PRKAR2A: variants seen among roughly 807,000 people sequenced by gnomAD.
The protein encoded by PRKAR2A is protein kinase cAMP-dependent type II regulatory subunit alpha.
PRKAR2A carries 29 observed loss-of-function variants against 51.9 expected under a neutral mutation model. That is an observed-to-expected ratio of 0.56 (90% CI 0.42 to 0.76). The LOEUF is 0.76. Among genes scored for constraint, PRKAR2A ranks in the 30% least tolerant of loss-of-function variants. The pLI is 0.00. For missense variants in PRKAR2A, 445 were observed against 512.1 expected (o/e 0.87, Z 1.26); for synonymous variants, 178 against 186.2 (o/e 0.96, Z 0.36).
chr3:48,845,592 G>A (rs767669959), intron 1 of PRKAR2A, among the ~76,000 whole-genome samples: 6 of 152,194 alleles, frequency 3.9e-5, no homozygotes, highest in Non-Finnish European at 7.3e-5. Context: ...CAAAGCATAT[G>A]TTGAAGCAAC....
chr3:48,833,448 C>T (rs1362454489), intron 1 of PRKAR2A, among the ~76,000 whole-genome samples: 1 of 152,174 alleles, frequency 6.6e-6, no homozygotes, highest in Non-Finnish European at 1.5e-5. Context: ...AGGCTCACCC[C>T]TGTAATCCCA....
rs377471790 is a variant in PRKAR2A, at chr3:48,776,105, A to AAAAC, written c.543-3001_543-2998dup. ...CTGGGCAACAGAGAGGCTCAGTCTC[A>AAAAC]AAACAAACAAACAAACAAACAAACA... is the stretch of plus-strand genomic sequence containing the variant. On this transcript the variant is annotated intron_variant, in intron 5 of 10. Transcript: ENST00000265563. Among the ~76,000 whole-genome samples the AAAAC allele has an allele frequency of 2.0e-3, 298 of 152,114 alleles. 1 individual carries two copies. Among genetic ancestry groups the AAAAC allele is most frequent in the East Asian group, 4.6e-3 (24 of 5,178 alleles).
chr3:48,773,295 T>C (rs2082055474), intron 5 of PRKAR2A, among the ~76,000 whole-genome samples, 187 bp from the exon 6 acceptor site: 1 of 152,042 alleles, frequency 6.6e-6, no homozygotes, highest in Non-Finnish European at 1.5e-5. Context: ...AACTCACTTA[T>C]TAATTCTAGT....
chr3:48,828,350 C>T (rs954235899), intron 1 of PRKAR2A, among the ~76,000 whole-genome samples: 2 of 152,060 alleles, frequency 1.3e-5, no homozygotes, highest in African/African-American at 4.8e-5. Context: ...AGACACTCAG[C>T]TCTTCTTTTG....
intron 5 of PRKAR2A, among the ~76,000 whole-genome samples, chr3:48,773,839 T>C (rs2082066902): frequency 6.6e-6 from 1 of 151,862 alleles, no homozygotes; most frequent in Non-Finnish European, 1.5e-5. Context: ...TGAGACAGGG[T>C]CTTGCTCTGT....
At chr3:48,764,751 A>G (rs1456262146) in intron 8 of PRKAR2A, among the ~76,000 whole-genome samples, 3 of 152,116 alleles carry the variant, frequency 2.0e-5, no homozygotes, top group African/African-American at 4.8e-5. Context: ...CAGCCTCCCA[A>G]GTAGCTGGGA....
chr3:48,794,221 G>A (rs912746727), intron 2 of PRKAR2A, among the ~76,000 whole-genome samples, 172 bp from the exon 3 acceptor site: 3 of 149,598 alleles, frequency 2.0e-5, no homozygotes, highest in South Asian at 4.2e-4. Context: ...GCACAATCTC[G>A]GCTCGCTGCA....
intron 1 of PRKAR2A, among the ~76,000 whole-genome samples, chr3:48,832,593 TAA>T (rs1174233785): frequency 6.6e-6 from 1 of 152,182 alleles, no homozygotes; most frequent in South Asian, 2.1e-4. Context: ...ACACATGCTT[TAA>T]GAGACACAAA....
At chr3:48,766,129 C>T (rs1226068132) in intron 6 of PRKAR2A, among the ~76,000 whole-genome samples, 1 of 150,744 alleles carries the variant, frequency 6.6e-6, no homozygotes, top group Non-Finnish European at 1.5e-5. Context: ...AGGTGAAAGG[C>T]TCACCAGAGC....
intron 2 of PRKAR2A, among the ~76,000 whole-genome samples, chr3:48,794,325 A>AT (rs2082453892): frequency 6.6e-6 from 1 of 151,222 alleles, no homozygotes; most frequent in African/African-American, 2.4e-5. Flanking sequence ...CTAATTTTGT[A>AT]TTTTTAGTAG....
chr3:48,834,051 GA>G (rs966683033), intron 1 of PRKAR2A, among the ~76,000 whole-genome samples: 3 of 144,732 alleles, frequency 2.1e-5, no homozygotes, highest in Admixed American at 6.9e-5. Context: ...AAAAAAAAAA[GA>G]AAAAAAAGAA....
At chr3:48,799,402 C>A (rs1455460715) in intron 2 of PRKAR2A, among the ~76,000 whole-genome samples, 1 of 152,142 alleles carries the variant, frequency 6.6e-6, no homozygotes, top group Admixed American at 6.6e-5. Context: ...TTCATTACCT[C>A]TTTAAAGGCT....
intron 1 of PRKAR2A, among the ~76,000 whole-genome samples, chr3:48,827,464 T>C (rs1559644703): frequency 1.3e-5 from 2 of 152,190 alleles, no homozygotes; most frequent in Non-Finnish European, 2.9e-5. Context: ...CAAAAGCACA[T>C]GTATCACTTC....
chr3:48,835,588 G>A (rs993139676), intron 1 of PRKAR2A, among the ~76,000 whole-genome samples: 6 of 150,372 alleles, frequency 4.0e-5, no homozygotes, highest in East Asian at 2.0e-4. Flanking sequence ...TGCAGTGAGC[G>A]GAGACTGCAC....
intron 1 of PRKAR2A, among the ~76,000 whole-genome samples, chr3:48,834,969 C>CT (rs765924891): frequency 0.026 from 3,467 of 131,936 alleles, 75 homozygotes; most frequent in African/African-American, 0.042. Context: ...AGGAGGATCA[C>CT]TTTTTTTTTT....
At chr3:48,809,540 G>A (rs2082735788) in intron 1 of PRKAR2A, among the ~76,000 whole-genome samples, 2 of 133,654 alleles carry the variant, frequency 1.5e-5, no homozygotes, top group African/African-American at 5.6e-5. Context: ...AGGTTGTGGT[G>A]AGCCAAGATT....
chr3:48,756,359 A>T lies in PRKAR2A; in HGVS notation c.939+20T>A, dbSNP rs753665672. 1 of 1,599,958 alleles carries T rather than the reference A, an allele frequency of 6.3e-7. No individual in the cohort carries two copies. Among genetic ancestry groups the T allele is most frequent in the Admixed American group, 1.7e-5 (1 of 59,996 alleles). ...TTACTTTTTGTGTGTACACCATCAC[A>T]TATAAACTGATAAACTCACCCTGCT... On this transcript the variant is annotated intron_variant, in intron 9 of 10. Coordinates refer to ENST00000265563, the MANE Select transcript of PRKAR2A (RefSeq NM_004157.4).
intron 1 of PRKAR2A, among the ~76,000 whole-genome samples, chr3:48,811,603 T>C (rs1035317712): frequency 6.6e-6 from 1 of 152,036 alleles, no homozygotes; most frequent in African/African-American, 2.4e-5. Context: ...ATATCCAGAA[T>C]AGTTAACCCA....
At chr3:48,811,754 C>T (rs193250341) in intron 1 of PRKAR2A, among the ~76,000 whole-genome samples, 128 of 151,906 alleles carry the variant, frequency 8.4e-4, no homozygotes, top group African/African-American at 2.9e-3. Flanking sequence ...ATTGTGAATG[C>T]GCTAAATGCC....
Sources: allele counts gnomAD v4.1 joint callset (sites outside exome capture counted in the v4.1 genomes callset), GRCh38; gene constraint gnomAD v4.1.1; transcripts MANE v1.5; gene names NCBI Gene and HGNC (gene_info 2026-07-23, HGNC 2026-07-21).